Variants in PPP1R12A observed in about 807,000 individuals in gnomAD.
PPP1R12A encodes myosin binding subunit.
PPP1R12A carries 19 observed loss-of-function variants against 139.6 expected under a neutral mutation model. The ratio of observed to expected loss-of-function variants is 0.14; its 90% CI spans 0.09 to 0.20. The LOEUF (loss-of-function observed/expected upper bound fraction) is 0.20, where lower values mean the gene tolerates loss of function less well. Ranked by LOEUF, PPP1R12A falls within the 10% of genes least tolerant of loss-of-function variation. The pLI is 1.00. For synonymous variants in PPP1R12A, 427 were observed against 420.6 expected, an observed-to-expected ratio of 1.02 and a Z score of -0.19; for missense variants, 925 against 1,211.5, an observed-to-expected ratio of 0.76 and a Z score of 3.51.
intron 1 of PPP1R12A, among the ~76,000 whole-genome samples, chr12:79,892,742 T>C (rs910125145): frequency 2.0e-5 from 3 of 149,662 alleles, no homozygotes; most frequent in Non-Finnish European, 1.5e-5. Context: ...GTAAAGTTAC[T>C]TAAAAAAAAA....
At chr12:79,868,552 CCT>C (rs1882233224) in intron 2 of PPP1R12A, among the ~76,000 whole-genome samples, 1 of 149,522 alleles carries the variant, frequency 6.7e-6, no homozygotes, top group South Asian at 2.1e-4. Flanking sequence ...TCTTCATAGG[CCT>C]CTCTCCTTGG....
chr12:79,850,519 T>C (rs1275309990), intron 2 of PPP1R12A, among the ~76,000 whole-genome samples: 2 of 152,220 alleles, frequency 1.3e-5, no homozygotes, highest in Non-Finnish European at 2.9e-5. Flanking sequence ...AAACTTTGTC[T>C]TTAAACCAGA....
rs1451795031 is a variant in PPP1R12A at position 79,808,497 on chromosome 12, T to G, written c.1536A>C (p.Glu512Asp). ...PRRLASTSDI[E>D]EKENRDSSSL... Reference sequence around the variant, plus strand: ...AATAAACTCACCTGTTTTCTTTCTCTTCAATGTCAGATGTACTGGCTAGTC... The same window carrying G: ...AATAAACTCACCTGTTTTCTTTCTCGTCAATGTCAGATGTACTGGCTAGTC... Residue 512 changes from glutamate (E) to aspartate (D), a missense_variant, in exon 11 of 25, where the codon GAA becomes GAC. Physicochemically the swap from Glu to Asp is conservative, Grantham distance 45 (BLOSUM62 2). This residue lies in a region of PPP1R12A where 403 missense variants were observed against 463.7 expected (regional missense o/e 0.87). Coordinates refer to ENST00000450142, the MANE Select transcript of PPP1R12A (RefSeq NM_002480.3). The G allele has an allele frequency of 3.1e-6, 5 of 1,601,144 alleles. No homozygotes were observed. Among genetic ancestry groups the G allele is most frequent in the Non-Finnish European group, 4.3e-6 (5 of 1,169,670 alleles).
At chr12:79,782,701 ATC>A (rs1209748730) in intron 22 of PPP1R12A, 2 of 335,302 alleles carry the variant, frequency 6.0e-6, no homozygotes, top group Non-Finnish European at 1.2e-5. Context: ...CTGTACAAAC[ATC>A]TCCCTTGGAA....
chr12:79,855,683 C>T (rs1880563940), intron 2 of PPP1R12A, among the ~76,000 whole-genome samples: 1 of 151,090 alleles, frequency 6.6e-6, no homozygotes, highest in African/African-American at 2.4e-5. Flanking sequence ...ACTCTATAAC[C>T]AAACACAAAA....
At chr12:79,841,310 A>G (rs1177222837) in intron 3 of PPP1R12A, among the ~76,000 whole-genome samples, 1 of 152,152 alleles carries the variant, frequency 6.6e-6, no homozygotes, top group African/African-American at 2.4e-5. Context: ...AACTCCCTCT[A>G]AATGTCATCA....
At chr12:79,901,449 C>T (rs1051494620) in intron 1 of PPP1R12A, among the ~76,000 whole-genome samples, 2 of 151,866 alleles carry the variant, frequency 1.3e-5, no homozygotes, top group Non-Finnish European at 2.9e-5. Flanking sequence ...GTTTTCATTT[C>T]TCTGGAGGTA....
intron 1 of PPP1R12A, among the ~76,000 whole-genome samples, chr12:79,932,984 C>T (rs1398815020): frequency 2.0e-5 from 3 of 152,110 alleles, no homozygotes; most frequent in African/African-American, 7.2e-5. Context: ...CACACTAAAA[C>T]GTGTAAAGTA....
intron 3 of PPP1R12A, among the ~76,000 whole-genome samples, chr12:79,833,778 A>AGT (rs1176502555): frequency 6.6e-6 from 1 of 150,406 alleles, no homozygotes. Context: ...TGGAGGATGC[A>AGT]GTAAGCCAAG....
intron 1 of PPP1R12A, among the ~76,000 whole-genome samples, chr12:79,894,876 C>T (rs1311500289): frequency 6.6e-6 from 1 of 152,166 alleles, no homozygotes; most frequent in Non-Finnish European, 1.5e-5. Context: ...AGGTTGTCCG[C>T]CTTTCGTCTT....
intron 1 of PPP1R12A, among the ~76,000 whole-genome samples, chr12:79,887,194 A>G (rs1884183147): frequency 6.6e-6 from 1 of 152,192 alleles, no homozygotes; most frequent in Admixed American, 6.5e-5. Flanking sequence ...CCAAAATACT[A>G]ATTTCTTAAA....
rs1002193657 is a variant in PPP1R12A, at chr12:79,774,554, G to C, written c.*1375C>G. The C allele has an allele frequency of 2.0e-5, 3 of 151,868 alleles. No individual in the cohort carries two copies. Among genetic ancestry groups the C allele is most frequent in the Non-Finnish European group, 4.4e-5 (3 of 67,872 alleles). 9.4% of individuals were successfully genotyped at this position (151,868 alleles called of 1,614,324 possible). A position where few individuals can be genotyped will look rare whatever the true frequency, so the allele number is the denominator to read the frequency against. ...CAGAAAGATGTAGTATTTTTTGCAT[G>C]GTTTAATGAAAATATAAAAGCTATT... On this transcript the variant is annotated 3_prime_UTR_variant, in exon 25 of 25. Coordinates refer to ENST00000450142, the MANE Select transcript of PPP1R12A (RefSeq NM_002480.3).
At chr12:79,914,272 C>A (rs1212940622) in intron 1 of PPP1R12A, among the ~76,000 whole-genome samples, 1 of 151,862 alleles carries the variant, frequency 6.6e-6, no homozygotes, top group African/African-American at 2.4e-5. Context: ...TGTGCATTCA[C>A]ATGAAGTTGT....
intron 1 of PPP1R12A, among the ~76,000 whole-genome samples, chr12:79,914,160 A>G (rs1463654261): frequency 1.3e-5 from 2 of 152,108 alleles, no homozygotes; most frequent in African/African-American, 4.8e-5. Context: ...TGGTAAATAC[A>G]GACAGCCAAC....
chr12:79,776,617 T>A (rs1869759239), intron 24 of PPP1R12A, among the ~76,000 whole-genome samples: 1 of 152,080 alleles, frequency 6.6e-6, no homozygotes, highest in Admixed American at 6.6e-5. Flanking sequence ...ATGTTTAAGC[T>A]AAAGTAGAAA....
At chr12:79,907,137 G>C (rs1886196148) in intron 1 of PPP1R12A, among the ~76,000 whole-genome samples, 1 of 152,116 alleles carries the variant, frequency 6.6e-6, no homozygotes, top group Non-Finnish European at 1.5e-5. Flanking sequence ...AGGTGGGAAA[G>C]GTACAGCTGT....
At chr12:79,838,705 G>A (rs556000816) in intron 3 of PPP1R12A, among the ~76,000 whole-genome samples, 1 of 152,346 alleles carries the variant, frequency 6.6e-6, no homozygotes, top group African/African-American at 2.4e-5. Flanking sequence ...CTTCCATGTG[G>A]TGTTGGGACT....
intron 2 of PPP1R12A, among the ~76,000 whole-genome samples, chr12:79,847,707 G>A (rs1879569571): frequency 6.6e-6 from 1 of 152,046 alleles, no homozygotes; most frequent in Non-Finnish European, 1.5e-5. Context: ...AGCTGTGGTA[G>A]GTCCTGTAAC....
intron 4 of PPP1R12A, 134 bp from the exon 5 acceptor site, chr12:79,828,598 A>C: frequency 1.4e-6 from 1 of 707,690 alleles, no homozygotes; most frequent in African/African-American, 1.8e-5. Flanking sequence ...TTCCCCCTCA[A>C]TGAATTAACT....
Sources: gnomAD v4.1 joint callset for allele counts (sites outside exome capture counted in the v4.1 genomes callset) on GRCh38, gnomAD v4.1.1 for gene constraint, gnomAD v4.1.1 regional missense constraint, MANE v1.5 for transcripts, NCBI Gene and HGNC (gene_info 2026-07-23, HGNC 2026-07-21) for gene names.